MANEAL: variants seen among roughly 807,000 people sequenced by gnomAD.
The protein encoded by MANEAL is glycoprotein endo-alpha-1,2-mannosidase-like protein.
A neutral mutation model predicts 35.9 loss-of-function variants in MANEAL; 28 were observed. The observed-to-expected ratio is 0.78, with a 90% CI of 0.58 to 1.07. MANEAL has a LOEUF of 1.07. Among genes scored for constraint, MANEAL ranks in the 50% least tolerant of loss-of-function variants. The probability of loss-of-function intolerance (pLI) is 0.00; values close to 1 mark genes in which losing one functional copy is unlikely to be tolerated. For missense variants in MANEAL, 576 were observed against 629.6 expected (o/e 0.91, Z 0.91); for synonymous variants, 286 against 272.2 (o/e 1.05, Z -0.50).
intron 2 of MANEAL, among the ~76,000 whole-genome samples, 157 bp from the exon 3 acceptor site, chr1:37,796,587 C>G (rs1348278698): frequency 6.6e-6 from 1 of 152,222 alleles, no homozygotes; most frequent in Non-Finnish European, 1.5e-5. Flanking sequence ...TTTTGGCCTT[C>G]AAGGGCAGCA....
chr1:37,797,464 CTTT>C (rs79029579), intron 3 of MANEAL, among the ~76,000 whole-genome samples: 11 of 116,988 alleles, frequency 9.4e-5, no homozygotes, highest in African/African-American at 3.0e-4. Context: ...AATGCCAGTG[CTTT>C]TTTTTTTTTT....
rs776424453 is a variant in MANEAL, at chr1:37,794,665, G to A, written c.483G>A (p.Gly161=). The A allele has an allele frequency of 3.7e-6, 6 of 1,610,060 alleles. No homozygotes were observed. The East Asian group carries it at 1.3e-4, about 36-fold the overall frequency. ...GCTCCAGCTTCTACCCGGAGCTGGG[G>A]CCCTACAGCTCCCGGGACCCCGAAG... ...DLGSSFYPEL[G]PYSSRDPEVL... is the part of the protein sequence containing the mutation. The change falls in exon 1 of 4, where the codon GGG becomes GGA. Residue 161 remains glycine, a synonymous_variant. Transcript: ENST00000373045. The surrounding 1 kb of genome is among the most constrained non-coding windows in gnomAD (Gnocchi z 5.7).
At position 37,794,449 on chromosome 1, in the gene MANEAL, G is replaced by T; in HGVS notation, c.267G>T (p.Ala89=). The T allele has an allele frequency of 1.3e-6, 2 of 1,531,936 alleles. No homozygotes were observed. The highest frequency in any genetic ancestry group is 1.8e-6 in the Non-Finnish European group (2 of 1,137,234). The allele number at this position is 1,531,936 out of a possible 1,614,324, so 94.9% of individuals were successfully genotyped here. A position where few individuals can be genotyped will look rare whatever the true frequency, so the allele number is the denominator to read the frequency against. ...DPGGSPGPAP[A]EAEPAPVQSL... is the part of the protein sequence containing the mutation. Reference sequence around the variant, plus strand: ...GCGGCTCCCCTGGGCCGGCACCCGCGGAGGCCGAGCCCGCCCCCGTGCAGA... The same window carrying T: ...GCGGCTCCCCTGGGCCGGCACCCGCTGAGGCCGAGCCCGCCCCCGTGCAGA... The change falls in exon 1 of 4, where the codon GCG becomes GCT. Residue 89 remains alanine, a synonymous_variant. Transcript: ENST00000373045. This position sits in a 1 kb window ranked among gnomAD's most constrained non-coding sequence, Gnocchi z 5.7.
intron 2 of MANEAL, 55 bp from the exon 3 acceptor site, chr1:37,796,689 T>C: frequency 6.8e-7 from 1 of 1,478,536 alleles, no homozygotes; most frequent in Non-Finnish European, 9.3e-7. Flanking sequence ...GAGCCTGATA[T>C]GTTGTGGCCC....
intron 2 of MANEAL, among the ~76,000 whole-genome samples, chr1:37,796,116 A>AG (rs1404871971): frequency 6.6e-6 from 1 of 152,198 alleles, no homozygotes; most frequent in African/African-American, 2.4e-5. Context: ...AATAGAGGTT[A>AG]GGTTGTAAAC....
chr1:37,795,561 G>T, intron 1 of MANEAL, 176 bp from the exon 2 acceptor site: 1 of 1,426,190 alleles, frequency 7.0e-7, no homozygotes, highest in South Asian at 1.5e-5. Context: ...CACCGCGGGC[G>T]TGGACAGCTC....
chr1:37,795,293 A>G (rs1490114530), intron 1 of MANEAL: 2 of 183,624 alleles, frequency 1.1e-5, no homozygotes, highest in Admixed American at 5.6e-5. Context: ...TTCGTAGGCT[A>G]TGGAGGGGAG....
intron 3 of MANEAL, among the ~76,000 whole-genome samples, chr1:37,797,544 C>T (rs1462358145): frequency 3.5e-4 from 52 of 148,472 alleles, no homozygotes; most frequent in African/African-American, 1.3e-3. Context: ...AATCTTGGCT[C>T]ACTGCAACCT....
At position 37,799,874 on chromosome 1, in the gene MANEAL, G is replaced by A. The variant is rs781768866; in HGVS notation, c.1045G>A (p.Ala349Thr). The change falls in exon 4 of 4, where the codon GCC (alanine) becomes ACC (threonine). Residue 349 changes from alanine to threonine, a missense_variant. Around this residue, in one of 3 missense-constraint regions of MANEAL, gnomAD observed 449 missense variants for 516.1 expected, o/e 0.87. Transcript: ENST00000373045. The surrounding 1 kb of genome is among the most constrained non-coding windows in gnomAD (Gnocchi z 4.1). ...NWKAVKNFCD[A>T]NNLMFIPSVG... ...GAAAGCTGTGAAGAACTTTTGTGAT[G>A]CCAACAACCTCATGTTCATCCCCAG... 2.5e-6 allele frequency: 4 copies of A among 1,614,098 alleles called. No individual in the cohort carries two copies. In the African/African-American group the frequency reaches 5.3e-5, roughly 22 times the overall value.
chr1:37,797,669 G>C (rs1646656998), intron 3 of MANEAL, among the ~76,000 whole-genome samples: 1 of 151,930 alleles, frequency 6.6e-6, no homozygotes, highest in South Asian at 2.1e-4. Context: ...AGCTGGGCGT[G>C]GTGATGCACA....
rs1646623088 is a variant in MANEAL, at chr1:37,794,249, C to G, written c.67C>G (p.Leu23Val). ...GGTGCTGCTCTTCGCCTTCGGCACC[C>G]TCATGGGTCTGCGCACGCTCAAGGC... is the stretch of plus-strand genomic sequence containing the variant. Reference protein sequence around the residue: ...FLVLLFAFGTLMGLRTLKAPD... With the variant: ...FLVLLFAFGTVMGLRTLKAPD... The change falls in exon 1 of 4, where the codon CTC becomes GTC. Residue 23 changes from leucine to valine, a missense_variant. This residue lies in a region of MANEAL where 122 missense variants were observed against 97.2 expected (regional missense o/e 1.26). Transcript: ENST00000373045. The surrounding 1 kb of genome is among the most constrained non-coding windows in gnomAD (Gnocchi z 5.7). 1 of 1,328,582 alleles carries G rather than the reference C, an allele frequency of 7.5e-7. No homozygotes were observed. The allele number at this position is 1,328,582 out of a possible 1,614,324, so 82.3% of individuals were successfully genotyped here.
Position 37,800,174 on chromosome 1 carries a change from A to T in MANEAL, c.1345A>T (p.Ile449Phe). 6.2e-7 allele frequency: 1 copy of T among 1,613,690 alleles called. No individual in the cohort carries two copies. Among genetic ancestry groups the T allele is most frequent in the Non-Finnish European group, 8.5e-7 (1 of 1,180,012 alleles). ...ELTRRWAEHF[I>F]KEKEQWLM is the part of the protein sequence containing the mutation. Reference sequence around the variant, plus strand: ...GACACGCCGCTGGGCGGAGCACTTCATCAAAGAGAAGGAGCAGTGGCTCAT... The same window carrying T: ...GACACGCCGCTGGGCGGAGCACTTCTTCAAAGAGAAGGAGCAGTGGCTCAT... Residue 449 changes from isoleucine (I) to phenylalanine (F), a missense_variant, in exon 4 of 4, where the codon ATC becomes TTC. By Grantham distance (21) the Ile-to-Phe change is conservative (BLOSUM62 0). Around this residue, in one of 3 missense-constraint regions of MANEAL, gnomAD observed 449 missense variants for 516.1 expected, o/e 0.87. Transcript: ENST00000373045.
intron 3 of MANEAL, among the ~76,000 whole-genome samples, chr1:37,798,700 T>C (rs1170202740): frequency 6.6e-6 from 1 of 150,928 alleles, no homozygotes; most frequent in Non-Finnish European, 1.5e-5. Flanking sequence ...ACCACTGTAC[T>C]CCAGCCTGGG....
Position 37,794,829 on chromosome 1 carries a change from T to A in MANEAL, c.550+97T>A. The A allele has an allele frequency of 1.2e-6, 1 of 809,714 alleles. No individual in the cohort carries two copies. Among genetic ancestry groups the A allele is most frequent in the Non-Finnish European group, 1.9e-6 (1 of 514,338 alleles). The allele number at this position is 809,714 out of a possible 1,614,324, so 50.2% of individuals were successfully genotyped here. On this transcript the variant is annotated intron_variant, in intron 1 of 3. Coordinates refer to ENST00000373045, the MANE Select transcript of MANEAL (RefSeq NM_001113482.2). The surrounding 1 kb of genome is among the most constrained non-coding windows in gnomAD (Gnocchi z 5.7). ...TCTGGTCCTGTCACCGGCCCTTTGG[T>A]CCCACTTATCCGCCAGCCTGGCTTC...
chr1:37,794,289 C>G lies in MANEAL; in HGVS notation c.107C>G (p.Pro36Arg). 8.1e-7 allele frequency: 1 copy of G among 1,237,480 alleles called. No homozygotes were observed. The highest frequency in any genetic ancestry group is 1.6e-5 in the African/African-American group (1 of 62,258). 76.7% of individuals were successfully genotyped at this position (1,237,480 alleles called of 1,614,324 possible). A position where few individuals can be genotyped will look rare whatever the true frequency, so the allele number is the denominator to read the frequency against. ...ACGCTCAAGGCTCCGGACGGACTCC[C>G]GGCGCTGGGCCCGGGCCTGGAGCTG... ...LRTLKAPDGL[P>R]ALGPGLELAP... is the part of the protein sequence containing the mutation. Residue 36 changes from proline (P) to arginine (R), a missense_variant, in exon 1 of 4, where the codon CCG becomes CGG. Pro to Arg is a moderately radical substitution (Grantham distance 103). Around this residue, in one of 3 missense-constraint regions of MANEAL, gnomAD observed 122 missense variants for 97.2 expected, o/e 1.26. Transcript: ENST00000373045. The surrounding 1 kb of genome is among the most constrained non-coding windows in gnomAD (Gnocchi z 5.7).
At position 37,794,266 on chromosome 1, in the gene MANEAL, G is replaced by A. The variant is rs2148383146; in HGVS notation, c.84G>A (p.Thr28=). The A allele has an allele frequency of 1.3e-5, 17 of 1,294,154 alleles. No homozygotes were observed. Among genetic ancestry groups the A allele is most frequent in the South Asian group, 3.4e-5 (2 of 58,662 alleles). The allele number at this position is 1,294,154 out of a possible 1,614,324, so 80.2% of individuals were successfully genotyped here. A position where few individuals can be genotyped will look rare whatever the true frequency, so the allele number is the denominator to read the frequency against. The change falls in exon 1 of 4, where the codon ACG becomes ACA. Residue 28 remains threonine (T), a synonymous_variant. Transcript: ENST00000373045. The surrounding 1 kb of genome is among the most constrained non-coding windows in gnomAD (Gnocchi z 5.7). ...FAFGTLMGLR[T]LKAPDGLPAL... is the part of the protein sequence containing the mutation. Reference sequence around the variant, plus strand: ...TCGGCACCCTCATGGGTCTGCGCACGCTCAAGGCTCCGGACGGACTCCCGG... The same window carrying A: ...TCGGCACCCTCATGGGTCTGCGCACACTCAAGGCTCCGGACGGACTCCCGG...
chr1:37,794,411 A>C lies in MANEAL; in HGVS notation c.229A>C (p.Thr77Pro). ...APPPPPPPPR[T>P]ADPGGSPGPA... ...GCCCCCGCCGCCGCCGCCGCCCCGC[A>C]CCGCGGACCCTGGCGGCTCCCCTGG... Residue 77 changes from threonine to proline, a missense_variant, in exon 1 of 4, where the codon ACC becomes CCC. Physicochemically the swap from Thr to Pro is conservative, Grantham distance 38. Coordinates refer to ENST00000373045, the MANE Select transcript of MANEAL (RefSeq NM_001113482.2). The surrounding 1 kb of genome is among the most constrained non-coding windows in gnomAD (Gnocchi z 5.7). 1 of 1,278,792 alleles carries C rather than the reference A, an allele frequency of 7.8e-7. No individual in the cohort carries two copies. The highest frequency in any genetic ancestry group is 1.0e-6 in the Non-Finnish European group (1 of 1,004,216). The allele number at this position is 1,278,792 out of a possible 1,614,324, so 79.2% of individuals were successfully genotyped here. A position where few individuals can be genotyped will look rare whatever the true frequency, so the allele number is the denominator to read the frequency against.
Position 37,800,100 on chromosome 1 carries a change from G to T in MANEAL, c.1271G>T (p.Arg424Leu). 6.2e-7 allele frequency: 1 copy of T among 1,613,734 alleles called. No homozygotes were observed. Among genetic ancestry groups the T allele is most frequent in the Non-Finnish European group, 8.5e-7 (1 of 1,180,028 alleles). ...EKAIPKKTPT[R>L]LYLDYLPHQP... Reference sequence around the variant, plus strand: ...GCCATTCCCAAGAAGACACCCACCCGCCTGTATTTGGACTACCTGCCTCAC... The same window carrying T: ...GCCATTCCCAAGAAGACACCCACCCTCCTGTATTTGGACTACCTGCCTCAC... The change falls in exon 4 of 4, where the codon CGC (arginine) becomes CTC (leucine). Residue 424 changes from arginine to leucine, a missense_variant. This residue lies in a region of MANEAL where 449 missense variants were observed against 516.1 expected (regional missense o/e 0.87). Transcript: ENST00000373045.
chr1:37,797,962 C>A (rs1646659010), intron 3 of MANEAL, among the ~76,000 whole-genome samples: 1 of 151,040 alleles, frequency 6.6e-6, no homozygotes, highest in Non-Finnish European at 1.5e-5. Context: ...TCAGCCTGGG[C>A]AACATAGCAA....
Sources: gnomAD v4.1 joint callset for allele counts (sites outside exome capture counted in the v4.1 genomes callset) on GRCh38, gnomAD v4.1.1 for gene constraint, gnomAD v4.1.1 regional missense constraint, Gnocchi (gnomAD v3.1) non-coding constraint, MANE v1.5 for transcripts, NCBI Gene and HGNC (gene_info 2026-07-23, HGNC 2026-07-21) for gene names.